Variants in JMJD1C observed in about 807,000 individuals in gnomAD.
JMJD1C encodes the protein jumonji domain containing 1C.
A neutral mutation model predicts 245.3 loss-of-function variants in JMJD1C; 31 were observed. That is an observed-to-expected ratio of 0.13 (90% CI 0.09 to 0.17). The LOEUF (loss-of-function observed/expected upper bound fraction) is 0.17. Ranked by LOEUF, JMJD1C falls within the 10% of genes least tolerant of loss-of-function variation. The pLI is 1.00. For synonymous variants in JMJD1C, 1,057 were observed against 1,017.4 expected (o/e 1.04, Z -0.74); for missense variants, 2,691 against 3,000.2 (o/e 0.90, Z 2.41).
At chr10:63,403,975 T>C (rs1949016376) in intron 1 of JMJD1C, among the ~76,000 whole-genome samples, 2 of 151,164 alleles carry the variant, frequency 1.3e-5, no homozygotes, top group Non-Finnish European at 2.9e-5. Flanking sequence ...ATTAGCCTGG[T>C]ATGGTGGCAC....
chr10:63,388,930 A>G (rs994126497), intron 1 of JMJD1C, among the ~76,000 whole-genome samples: 4 of 152,216 alleles, frequency 2.6e-5, no homozygotes, highest in Non-Finnish European at 5.9e-5. Context: ...AGGTAATTAT[A>G]TAACGATAAA....
intron 3 of JMJD1C, among the ~76,000 whole-genome samples, chr10:63,234,506 A>AAAAAAAAAC (rs1850443504): frequency 1.3e-5 from 2 of 148,630 alleles, no homozygotes; most frequent in African/African-American, 2.5e-5. Context: ...AAAAAAAAAA[A>AAAAAAAAAC]AAAAAAAAAA....
intron 1 of JMJD1C, among the ~76,000 whole-genome samples, chr10:63,384,152 G>C (rs1947417189): frequency 6.6e-6 from 1 of 152,176 alleles, no homozygotes; most frequent in South Asian, 2.1e-4. Context: ...GATTACAGCA[G>C]TTCTCTCACA....
intron 1 of JMJD1C, among the ~76,000 whole-genome samples, chr10:63,403,203 C>T (rs986395765): frequency 6.6e-6 from 1 of 152,178 alleles, no homozygotes; most frequent in Admixed American, 6.5e-5. Flanking sequence ...TATAAGTCAT[C>T]CTACCACTCA....
chr10:63,218,867 C>T (rs926013658), intron 4 of JMJD1C, among the ~76,000 whole-genome samples: 21 of 152,096 alleles, frequency 1.4e-4, no homozygotes, highest in Admixed American at 3.9e-4. Flanking sequence ...TTAAAATCTT[C>T]GACGTTTATA....
At chr10:63,318,551 C>T (rs1017022140) in intron 2 of JMJD1C, among the ~76,000 whole-genome samples, 3 of 151,936 alleles carry the variant, frequency 2.0e-5, no homozygotes, top group Non-Finnish European at 2.9e-5. Context: ...CTGTTGTTTG[C>T]TCCTTTAAAT....
intron 3 of JMJD1C, among the ~76,000 whole-genome samples, chr10:63,245,668 A>C (rs1852116234): frequency 6.6e-6 from 1 of 151,972 alleles, no homozygotes; most frequent in African/African-American, 2.4e-5. Context: ...TTTTTAGTAG[A>C]GAGGAGGTTT....
At chr10:63,351,076 T>A (rs1944317651) in intron 2 of JMJD1C, among the ~76,000 whole-genome samples, 1 of 151,186 alleles carries the variant, frequency 6.6e-6, no homozygotes, top group Non-Finnish European at 1.5e-5. Context: ...AAACAGAAAT[T>A]TTTCTTTTTT....
chr10:63,211,161 C>T (rs1006478976), intron 8 of JMJD1C, among the ~76,000 whole-genome samples: 2 of 152,130 alleles, frequency 1.3e-5, no homozygotes, highest in Admixed American at 6.5e-5. Context: ...TGCCTCTTAT[C>T]ATCAAAGTTC....
intron 8 of JMJD1C, among the ~76,000 whole-genome samples, chr10:63,211,838 A>C (rs1183321823): frequency 3.3e-5 from 5 of 150,904 alleles, no homozygotes. Context: ...AAAAAAAAAA[A>C]AAAAAAAAAC....
At chr10:63,183,953 G>T (rs1368674615) in intron 21 of JMJD1C, among the ~76,000 whole-genome samples, 1 of 152,258 alleles carries the variant, frequency 6.6e-6, no homozygotes, top group Admixed American at 6.5e-5. Context: ...TTTTGAGAAG[G>T]AGTCTCGCTC....
Position 63,193,468 on chromosome 10 carries a change from C to A in JMJD1C, c.5739G>T (p.Leu1913Phe). The part of the protein sequence containing the change: ...MPTQIIPGSV[L>F]TDLLDAMHTL... ...TGTGCATGGCATCTAGAAGATCTGTCAAAACTACAAAATAAAATGGTAGTT... is the reference window on the plus strand; with the variant it reads ...TGTGCATGGCATCTAGAAGATCTGTAAAAACTACAAAATAAAATGGTAGTT... The change falls in exon 15 of 26, where the codon TTG (leucine) becomes TTT (phenylalanine). Residue 1913 changes from leucine (L) to phenylalanine (F), a missense_variant. Leu to Phe is a conservative substitution (Grantham distance 22). Transcript: ENST00000399262. The A allele has an allele frequency of 6.3e-7, 1 of 1,576,006 alleles. No individual in the cohort carries two copies. The highest frequency in any genetic ancestry group is 1.2e-5 in the South Asian group (1 of 84,748).
chr10:63,465,324 G>C lies in JMJD1C; in HGVS notation c.168+171C>G, dbSNP rs1199268276. ...CTCCACAGGGGAAGCCGCTCGGAGA[G>C]ACGCAGGGACCCAGGCAAGGGATGC... On this transcript the variant is annotated intron_variant, in intron 1 of 25. Transcript: ENST00000399262. The C allele has an allele frequency of 1.3e-5, 9 of 688,722 alleles. No individual in the cohort carries two copies. The East Asian group carries it at 1.9e-4, about 15-fold the overall frequency. 42.7% of individuals were successfully genotyped at this position (688,722 alleles called of 1,614,324 possible). A position where few individuals can be genotyped will look rare whatever the true frequency, so the allele number is the denominator to read the frequency against.
At chr10:63,456,550 C>T (rs1454591382) in intron 1 of JMJD1C, among the ~76,000 whole-genome samples, 1 of 152,092 alleles carries the variant, frequency 6.6e-6, no homozygotes, top group African/African-American at 2.4e-5. Flanking sequence ...AATCTTAAAA[C>T]TCCTAACTTT....
At chr10:63,191,157 A>C (rs1844752353) in intron 16 of JMJD1C, 49 bp from the exon 17 acceptor site, 12 of 1,449,210 alleles carry the variant, frequency 8.3e-6, no homozygotes, top group East Asian at 2.3e-5. Flanking sequence ...TTTGAGACGG[A>C]GTCTCATTCT....
At chr10:63,328,568 T>C (rs1941792473) in intron 2 of JMJD1C, among the ~76,000 whole-genome samples, 1 of 152,230 alleles carries the variant, frequency 6.6e-6, no homozygotes, top group South Asian at 2.1e-4. Context: ...CAGAAGTAAT[T>C]TTCTGTTCAA....
intron 1 of JMJD1C, among the ~76,000 whole-genome samples, chr10:63,515,480 A>AG (rs1317446630): frequency 1.3e-5 from 2 of 152,196 alleles, no homozygotes; most frequent in African/African-American, 4.8e-5. Flanking sequence ...TGGAGCTTTT[A>AG]GGTCTCAGAC....
At chr10:63,349,700 T>C (rs988443827) in intron 2 of JMJD1C, among the ~76,000 whole-genome samples, 7 of 152,104 alleles carry the variant, frequency 4.6e-5, no homozygotes, top group Non-Finnish European at 7.4e-5. Flanking sequence ...CAGAAATAGG[T>C]GAAAAGGCTT....
At chr10:63,257,800 T>C (rs1854165357) in intron 3 of JMJD1C, among the ~76,000 whole-genome samples, 1 of 152,178 alleles carries the variant, frequency 6.6e-6, no homozygotes, top group South Asian at 2.1e-4. Flanking sequence ...GAAGTCACAA[T>C]GAAATCTTAC....
Sources: gnomAD v4.1 joint callset for allele counts (sites outside exome capture counted in the v4.1 genomes callset) on GRCh38, gnomAD v4.1.1 for gene constraint, MANE v1.5 for transcripts, NCBI Gene and HGNC (gene_info 2026-07-23, HGNC 2026-07-21) for gene names.